Variants in PDE3A observed in about 807,000 individuals in gnomAD.
The protein encoded by PDE3A is cGMP-inhibited 3',5'-cyclic phosphodiesterase 3A.
PDE3A carries 43 observed loss-of-function variants against 98.3 expected under a neutral mutation model. The ratio of observed to expected loss-of-function variants is 0.44; its 90% CI spans 0.34 to 0.56. The LOEUF is 0.56. PDE3A is among the 20% of genes least tolerant of loss of function. The probability of loss-of-function intolerance (pLI) is 0.01; values close to 1 mark genes in which losing one functional copy is unlikely to be tolerated. For missense variants in PDE3A, 1,427 were observed against 1,440.7 expected (o/e 0.99, Z 0.15); for synonymous variants, 663 against 567.9 (o/e 1.17, Z -2.38).
At chr12:20,553,717 G>T (rs1042368557) in intron 1 of PDE3A, among the ~76,000 whole-genome samples, 3 of 152,246 alleles carry the variant, frequency 2.0e-5, no homozygotes, top group Non-Finnish European at 4.4e-5. Flanking sequence ...GGGGCCAGGC[G>T]TGTGGCTGAC....
intron 1 of PDE3A, among the ~76,000 whole-genome samples, chr12:20,510,479 C>T (rs973768289): frequency 9.2e-5 from 14 of 151,802 alleles, no homozygotes; most frequent in African/African-American, 1.9e-4. Flanking sequence ...AGAGAAATAG[C>T]GGAAAGTAGT....
Position 20,542,423 on chromosome 12 carries a change from A to G in PDE3A, c.961-14237A>G, listed in dbSNP as rs1164146526. ...TCCTTTGAGTTAGATAGTTTTTGGTATACGTAACAGCATACACACACACAC... is the reference window on the plus strand; with the variant it reads ...TCCTTTGAGTTAGATAGTTTTTGGTGTACGTAACAGCATACACACACACAC... On this transcript the variant is annotated intron_variant, in intron 1 of 15. Transcript: ENST00000359062. 2.8e-5 allele frequency among the ~76,000 whole-genome samples: 4 copies of G among 144,184 alleles called. No homozygotes were observed. In the Admixed American group the frequency reaches 2.9e-4, roughly 10 times the overall value. 94.6% of individuals were successfully genotyped at this position (144,184 alleles called of 152,430 possible). A position where few individuals can be genotyped will look rare whatever the true frequency, so the allele number is the denominator to read the frequency against.
At chr12:20,387,883 C>T (rs968460268) in intron 1 of PDE3A, among the ~76,000 whole-genome samples, 10 of 152,088 alleles carry the variant, frequency 6.6e-5, no homozygotes, top group Middle Eastern at 3.4e-3. Context: ...TCATGAAACA[C>T]AATTGAGGAT....
At chr12:20,575,976 T>A (rs989366099) in intron 2 of PDE3A, among the ~76,000 whole-genome samples, 1 of 151,922 alleles carries the variant, frequency 6.6e-6, no homozygotes, top group Admixed American at 6.6e-5. Flanking sequence ...TATTGCTATA[T>A]CTTAATTTGA....
intron 2 of PDE3A, among the ~76,000 whole-genome samples, chr12:20,604,033 G>T (rs1245732555): frequency 6.6e-6 from 1 of 152,114 alleles, no homozygotes; most frequent in Non-Finnish European, 1.5e-5. Context: ...GCTGGGCATG[G>T]TGGCGCATGC....
chr12:20,389,931 T>C (rs1461097975), intron 1 of PDE3A, among the ~76,000 whole-genome samples: 3 of 151,678 alleles, frequency 2.0e-5, no homozygotes, highest in Admixed American at 2.0e-4. Flanking sequence ...ATAAAGAATG[T>C]ATCTAAAATA....
At chr12:20,435,854 C>A (rs575033420) in intron 1 of PDE3A, among the ~76,000 whole-genome samples, 1 of 152,110 alleles carries the variant, frequency 6.6e-6, no homozygotes, top group Non-Finnish European at 1.5e-5. Context: ...GCTGGGCAAA[C>A]AATTTAAATA....
intron 2 of PDE3A, among the ~76,000 whole-genome samples, chr12:20,585,496 G>A (rs1943170740): frequency 6.6e-6 from 1 of 152,174 alleles, no homozygotes; most frequent in Admixed American, 6.5e-5. Flanking sequence ...ATCATGTAAT[G>A]CTAGAGTGTC....
intron 2 of PDE3A, among the ~76,000 whole-genome samples, chr12:20,564,210 C>A (rs79877257): frequency 3.4e-4 from 51 of 152,188 alleles, no homozygotes; most frequent in African/African-American, 1.2e-3. Context: ...CACCCTCAGT[C>A]CCCAAACTGT....
At position 20,679,988 on chromosome 12, in the gene PDE3A, C is replaced by A. The variant is rs1210512144; in HGVS notation, c.3185-42C>A. ...TAACGTTCATGTGCTCAGCACACAA[C>A]TAAGTAGTCTGATTTGGTGTTTTTT... On this transcript the variant is annotated intron_variant, in intron 15 of 15. Transcript: ENST00000359062. 9 of 1,481,830 alleles carry A rather than the reference C, an allele frequency of 6.1e-6. No homozygotes were observed. The South Asian group carries it at 1.1e-4, about 18-fold the overall frequency. 91.8% of individuals were successfully genotyped at this position (1,481,830 alleles called of 1,614,324 possible).
At chr12:20,582,666 A>C (rs1029920339) in intron 2 of PDE3A, among the ~76,000 whole-genome samples, 2 of 152,086 alleles carry the variant, frequency 1.3e-5, no homozygotes, top group Admixed American at 1.3e-4. Context: ...GCAACTACAG[A>C]TATTGATATT....
At chr12:20,506,648 AT>A (rs1203595777) in intron 1 of PDE3A, among the ~76,000 whole-genome samples, 2 of 152,070 alleles carry the variant, frequency 1.3e-5, no homozygotes, top group Non-Finnish European at 2.9e-5. Context: ...CAGAAATGAT[AT>A]TTGATACGTT....
intron 1 of PDE3A, among the ~76,000 whole-genome samples, chr12:20,521,015 G>T (rs893046293): frequency 6.6e-6 from 1 of 152,136 alleles, no homozygotes; most frequent in Admixed American, 6.5e-5. Context: ...CTAAAGAATG[G>T]CCTCGGCTTC....
chr12:20,565,012 A>T (rs1942619919), intron 2 of PDE3A, among the ~76,000 whole-genome samples: 1 of 152,108 alleles, frequency 6.6e-6, no homozygotes, highest in Non-Finnish European at 1.5e-5. Flanking sequence ...TACTAAGTGT[A>T]CAAAAGCATA....
In PDE3A at chr12:20,680,288, CTG is replaced by C. The variant is rs749070856; in HGVS notation, c.*21_*22del. 1.9e-6 allele frequency: 3 copies of C among 1,612,412 alleles called. No individual in the cohort carries two copies. The African/African-American group carries it at 4.0e-5, about 22-fold the overall frequency. ...GACCAGTGACAATGGATAGAATGGGCTGTGTTTCCAAACAGATTGACTTGTCA... is the reference window on the plus strand; with the variant it reads ...GACCAGTGACAATGGATAGAATGGGCTGTTTCCAAACAGATTGACTTGTCA... On this transcript the variant is annotated 3_prime_UTR_variant, in exon 16 of 16. Transcript: ENST00000359062.
chr12:20,460,786 G>C (rs368788883), intron 1 of PDE3A, among the ~76,000 whole-genome samples: 4 of 152,126 alleles, frequency 2.6e-5, no homozygotes, highest in African/African-American at 9.7e-5. Context: ...GGAACTTGGC[G>C]ATCTCAGAGG....
intron 1 of PDE3A, among the ~76,000 whole-genome samples, chr12:20,394,809 A>G (rs1943978990): frequency 6.6e-6 from 1 of 151,976 alleles, no homozygotes; most frequent in Non-Finnish European, 1.5e-5. Flanking sequence ...GATATTATTT[A>G]GTTTTTAGGA....
intron 1 of PDE3A, among the ~76,000 whole-genome samples, chr12:20,544,668 G>A (rs866040640): frequency 6.6e-6 from 1 of 151,816 alleles, no homozygotes; most frequent in Non-Finnish European, 1.5e-5. Flanking sequence ...TTTGCAACCA[G>A]CCAACCTATA....
At chr12:20,478,291 A>G (rs1945563881) in intron 1 of PDE3A, among the ~76,000 whole-genome samples, 1 of 152,244 alleles carries the variant, frequency 6.6e-6, no homozygotes, top group Non-Finnish European at 1.5e-5. Context: ...TACTGAGGAA[A>G]TAAACATACT....
Sources: gnomAD v4.1 joint callset for allele counts (sites outside exome capture counted in the v4.1 genomes callset) on GRCh38, gnomAD v4.1.1 for gene constraint, MANE v1.5 for transcripts, NCBI Gene and HGNC (gene_info 2026-07-23, HGNC 2026-07-21) for gene names.